IQCE: variants seen among roughly 807,000 people sequenced by gnomAD.
IQCE encodes IQ domain-containing protein E.
In IQCE, 115 loss-of-function variants were observed where a neutral mutation model predicts 96.0. The ratio of observed to expected loss-of-function variants is 1.20; its 90% CI spans 1.03 to 1.40. IQCE has a LOEUF of 1.40. Among genes scored for constraint, IQCE ranks in the 40% most tolerant of loss-of-function variants. The pLI, the probability that IQCE is intolerant of heterozygous loss-of-function variation, is 0.00. For missense variants in IQCE, 1,041 were observed against 909.1 expected (o/e 1.15, Z -1.87); for synonymous variants, 412 against 371.2 (o/e 1.11, Z -1.26).
chr7:2,592,428 C>T (rs138087022), intron 14 of IQCE, among the ~76,000 whole-genome samples: 7 of 152,302 alleles, frequency 4.6e-5, no homozygotes, highest in South Asian at 2.1e-4. Flanking sequence ...GAGCCCTTAC[C>T]GTGTGACAGG....
rs1473718834 is a variant in IQCE, at chr7:2,559,100, GGCGGCCAGGGCT to G, written c.-79_-68del. The stretch of plus-strand genomic sequence containing the variant: ...CGCCAGGGAAGGCCCCGAGGCTGCG[GGCGGCCAGGGCT>G]GCCCGCGGATTCCCAGACCCGGACG... On this transcript the variant is annotated 5_prime_UTR_variant, in exon 1 of 22. Transcript: ENST00000402050. 1 of 871,374 alleles carries G rather than the reference GGCGGCCAGGGCT, an allele frequency of 1.1e-6. No individual in the cohort carries two copies. The highest frequency in any genetic ancestry group is 1.8e-5 in the African/African-American group (1 of 56,312). 54.0% of individuals were successfully genotyped at this position (871,374 alleles called of 1,614,324 possible). A position where few individuals can be genotyped will look rare whatever the true frequency, so the allele number is the denominator to read the frequency against.
chr7:2,587,717 G>T, intron 12 of IQCE, 105 bp from the exon 13 acceptor site: 2 of 1,155,106 alleles, frequency 1.7e-6, no homozygotes, highest in Non-Finnish European at 1.3e-6. Flanking sequence ...AGCCCCGCAG[G>T]CTGCTCCGGC....
intron 18 of IQCE, among the ~76,000 whole-genome samples, chr7:2,603,857 T>C (rs1200639122): frequency 6.6e-6 from 1 of 152,006 alleles, no homozygotes; most frequent in Non-Finnish European, 1.5e-5. Context: ...TGGGCATGCT[T>C]GTCATTCTTC....
At chr7:2,609,977 G>T in intron 21 of IQCE, 67 bp from the exon 22 acceptor site, 1 of 864,214 alleles carries the variant, frequency 1.2e-6, no homozygotes, top group Admixed American at 1.8e-5. Context: ...ACAGTGTAAG[G>T]GTGTCCGTGG....
intron 1 of IQCE, among the ~76,000 whole-genome samples, chr7:2,563,887 C>A (rs1199037221): frequency 8.4e-6 from 1 of 119,048 alleles, no homozygotes; most frequent in Non-Finnish European, 1.7e-5. Flanking sequence ...GAGCGAGACT[C>A]CATCTCAAAA....
Position 2,574,675 on chromosome 7 carries a change from A to C in IQCE, c.465+1187A>C, listed in dbSNP as rs1235170122. 9.2e-5 allele frequency among the ~76,000 whole-genome samples: 14 copies of C among 152,132 alleles called. 1 individual carries two copies. The highest frequency in any genetic ancestry group is 1.5e-5 in the Non-Finnish European group (1 of 68,028). On this transcript the variant is annotated intron_variant, in intron 6 of 21. Transcript: ENST00000402050. ...GAATCTATAGGTTTGTCTTTTGTTAAATCTGGGACATTTTCAGTCATCAAG... is the reference window on the plus strand; with the variant it reads ...GAATCTATAGGTTTGTCTTTTGTTACATCTGGGACATTTTCAGTCATCAAG...
At chr7:2,598,665 C>A in intron 17 of IQCE, 33 bp downstream of exon 17, 1 of 1,459,722 alleles carries the variant, frequency 6.9e-7, no homozygotes, top group South Asian at 1.5e-5. Flanking sequence ...GGGCTGCTCC[C>A]TGTGAGTCTT....
intron 18 of IQCE, among the ~76,000 whole-genome samples, chr7:2,604,661 G>C (rs989844232): frequency 3.9e-5 from 6 of 152,328 alleles, no homozygotes; most frequent in African/African-American, 1.4e-4. Context: ...TGTGCTGACA[G>C]GTGCCATGCC....
chr7:2,565,462 A>G, intron 1 of IQCE, among the ~76,000 whole-genome samples: 1 of 152,166 alleles, frequency 6.6e-6, no homozygotes, highest in Non-Finnish European at 1.5e-5. Flanking sequence ...TACACATAAA[A>G]TCTCATTCCT....
intron 1 of IQCE, among the ~76,000 whole-genome samples, chr7:2,563,375 T>TTTTGTGTGTGTGTGTGTGTGTGTG (rs60896382): frequency 2.2e-5 from 3 of 135,682 alleles, no homozygotes; most frequent in Admixed American, 7.3e-5. Flanking sequence ...TAATTTTTTG[T>TTTTGTGTGTGTGTGTGTGTGTGTG]TGTGTGTGTG....
chr7:2,604,042 G>A (rs1381997324), intron 18 of IQCE, among the ~76,000 whole-genome samples: 2 of 149,590 alleles, frequency 1.3e-5, no homozygotes, highest in African/African-American at 4.9e-5. Flanking sequence ...AGGCTGGAGT[G>A]CAGTGGCCCA....
At chr7:2,568,852 C>A in intron 2 of IQCE, 102 bp from the exon 3 acceptor site, 1 of 1,066,912 alleles carries the variant, frequency 9.4e-7, no homozygotes, top group Non-Finnish European at 1.4e-6. Flanking sequence ...CGTCCTCTTG[C>A]TGCTCTTACA....
At position 2,571,517 on chromosome 7, in the gene IQCE, C is replaced by A; in HGVS notation, c.131-9C>A. ...CGGCACCTCTGAATCCACGTGTTGG[C>A]TTTTCCAGAGTCACCTTATCTCTCT... On this transcript the variant is annotated splice_polypyrimidine_tract_variant and intron_variant, in intron 3 of 21. Coordinates refer to ENST00000402050, the MANE Select transcript of IQCE (RefSeq NM_152558.5). 6.2e-7 allele frequency: 1 copy of A among 1,606,066 alleles called. No individual in the cohort carries two copies. Among genetic ancestry groups the A allele is most frequent in the South Asian group, 1.1e-5 (1 of 91,080 alleles).
chr7:2,591,657 G>A (rs1783596784), intron 14 of IQCE, among the ~76,000 whole-genome samples: 1 of 134,400 alleles, frequency 7.4e-6, no homozygotes. Context: ...ATCTCACTCT[G>A]TTGCCCAGGC....
chr7:2,567,170 G>A lies in IQCE; in HGVS notation c.84+7G>A, dbSNP rs766969560. The A allele has an allele frequency of 1.2e-6, 2 of 1,612,762 alleles. No individual in the cohort carries two copies. Among genetic ancestry groups the A allele is most frequent in the East Asian group, 2.2e-5 (1 of 44,888 alleles). On this transcript the variant is annotated splice_region_variant and intron_variant, in intron 2 of 21. Coordinates refer to ENST00000402050, the MANE Select transcript of IQCE (RefSeq NM_152558.5). The stretch of plus-strand genomic sequence containing the variant: ...TGACTCTGATGTGGAGACGGTGAGT[G>A]CCGCTGGGTGTCAGCCGTGCGACCT...
At chr7:2,578,805 G>T (rs1234682581) in intron 8 of IQCE, among the ~76,000 whole-genome samples, 2 of 152,082 alleles carry the variant, frequency 1.3e-5, no homozygotes, top group African/African-American at 4.8e-5. Context: ...CTTAACAAGC[G>T]CTCCCAGCGC....
chr7:2,583,261 C>T (rs1229439193), intron 9 of IQCE, among the ~76,000 whole-genome samples: 1 of 152,238 alleles, frequency 6.6e-6, no homozygotes, highest in Admixed American at 6.5e-5. Flanking sequence ...GTGATTCTCT[C>T]TTCCTTACAA....
chr7:2,560,613 G>A (rs1222573704), intron 1 of IQCE, among the ~76,000 whole-genome samples: 3 of 152,088 alleles, frequency 2.0e-5, no homozygotes, highest in African/African-American at 7.2e-5. Flanking sequence ...TGCTTGTTGT[G>A]ATTATAAAAA....
At chr7:2,583,580 G>GC in intron 9 of IQCE, 57 bp from the exon 10 acceptor site, 1 of 1,358,890 alleles carries the variant, frequency 7.4e-7, no homozygotes, top group Non-Finnish European at 1.0e-6. Flanking sequence ...TCTTCCTCTT[G>GC]CTCTGTCCCC....
Sources: gnomAD v4.1 joint callset for allele counts (sites outside exome capture counted in the v4.1 genomes callset) on GRCh38, gnomAD v4.1.1 for gene constraint, MANE v1.5 for transcripts, NCBI Gene and HGNC (gene_info 2026-07-23, HGNC 2026-07-21) for gene names.